RBFOX1: variants seen among roughly 807,000 people sequenced by gnomAD.
RBFOX1 encodes RNA binding protein fox-1 homolog 1.
RBFOX1 carries 8 observed loss-of-function variants against 57.7 expected under a neutral mutation model. The ratio of observed to expected loss-of-function variants is 0.14; its 90% CI spans 0.08 to 0.25. The LOEUF (loss-of-function observed/expected upper bound fraction) is 0.25. Ranked by LOEUF, RBFOX1 falls within the 10% of genes least tolerant of loss-of-function variation. The pLI is 1.00. For synonymous variants in RBFOX1, 326 were observed against 222.4 expected, an observed-to-expected ratio of 1.47 and a Z score of -4.15; for missense variants, 611 against 548.5, an observed-to-expected ratio of 1.11 and a Z score of -1.14.
chr16:5,296,089 C>T (rs1343494651), intron 1 of RBFOX1, among the ~76,000 whole-genome samples: 2 of 152,120 alleles, frequency 1.3e-5, no homozygotes, highest in Admixed American at 1.3e-4. Context: ...TCCCCCTGAG[C>T]TTCTCCTGTG....
At chr16:7,179,909 A>ATT (rs113449495) in intron 4 of RBFOX1, among the ~76,000 whole-genome samples, 1 of 142,144 alleles carries the variant, frequency 7.0e-6, no homozygotes, top group African/African-American at 2.6e-5. Flanking sequence ...TAATTTTTGT[A>ATT]TTTTTTTTTT....
intron 4 of RBFOX1, among the ~76,000 whole-genome samples, chr16:7,497,741 G>C (rs957394413): frequency 6.6e-6 from 1 of 152,196 alleles, no homozygotes; most frequent in African/African-American, 2.4e-5. Context: ...AAAAGAACTA[G>C]TTTCTTTCTG....
chr16:7,594,022 C>T (rs1181712163), intron 7 of RBFOX1, among the ~76,000 whole-genome samples: 1 of 152,148 alleles, frequency 6.6e-6, no homozygotes, highest in South Asian at 2.1e-4. Context: ...CAGGTGCACA[C>T]TGTGCAGGTT....
chr16:6,879,719 G>T (rs1292945340), intron 3 of RBFOX1, among the ~76,000 whole-genome samples: 2 of 152,168 alleles, frequency 1.3e-5, no homozygotes, highest in East Asian at 3.9e-4. Flanking sequence ...TTCTGTGGAA[G>T]TAAATTCTAC....
chr16:7,220,421 A>G (rs1274084898), intron 4 of RBFOX1, among the ~76,000 whole-genome samples: 1 of 152,200 alleles, frequency 6.6e-6, no homozygotes, highest in African/African-American at 2.4e-5. Context: ...TTACAATGCT[A>G]GAGAGAAAAG....
At chr16:6,617,081 G>A (rs979696966) in intron 2 of RBFOX1, among the ~76,000 whole-genome samples, 12 of 151,846 alleles carry the variant, frequency 7.9e-5, no homozygotes, top group Non-Finnish European at 1.6e-4. Context: ...ACTTAAGAAC[G>A]TAGAGGTGCT....
intron 4 of RBFOX1, among the ~76,000 whole-genome samples, chr16:7,148,194 G>A (rs2075405233): frequency 6.6e-6 from 1 of 152,098 alleles, no homozygotes; most frequent in South Asian, 2.1e-4. Context: ...TACTGCCTGG[G>A]GTCTGTTAGA....
chr16:5,588,670 G>A lies in RBFOX1; in HGVS notation c.259-10232G>A, dbSNP rs2046909854. ...AGCACTTTGCAGACTTAGAGGGCTG[G>A]GAGGGCATTGAATTGGGAGAGGCAT... On this transcript the variant is annotated intron_variant, in intron 2 of 2. Coordinates refer to the RBFOX1 transcript ENST00000585867. Among the ~76,000 whole-genome samples the A allele has an allele frequency of 2.6e-5, 4 of 152,116 alleles. No individual in the cohort carries two copies. The South Asian group carries it at 6.2e-4, about 24-fold the overall frequency.
chr16:6,993,123 C>T (rs903175087), intron 3 of RBFOX1, among the ~76,000 whole-genome samples: 2 of 152,108 alleles, frequency 1.3e-5, no homozygotes, highest in African/African-American at 4.8e-5. Context: ...TGTGTAGGAT[C>T]CATAGATGGA....
intron 3 of RBFOX1, among the ~76,000 whole-genome samples, chr16:6,819,717 A>AT (rs1422282584): frequency 6.9e-6 from 1 of 144,740 alleles, no homozygotes; most frequent in Non-Finnish European, 1.5e-5. Context: ...AAAAAAAAAA[A>AT]AAAAAAAAAA....
intron 4 of RBFOX1, among the ~76,000 whole-genome samples, chr16:7,267,746 C>G (rs534116323): frequency 6.6e-6 from 1 of 152,074 alleles, no homozygotes; most frequent in East Asian, 1.9e-4. Flanking sequence ...GTCCCAGCTA[C>G]TTGGGAGGCT....
intron 4 of RBFOX1, among the ~76,000 whole-genome samples, chr16:7,378,002 A>G (rs543017969): frequency 1.2e-4 from 18 of 152,310 alleles, no homozygotes; most frequent in African/African-American, 4.8e-5. Flanking sequence ...CAGAATGTGC[A>G]AAGTCTCTAA....
intron 3 of RBFOX1, among the ~76,000 whole-genome samples, chr16:5,729,116 A>G (rs559946970): frequency 1.2e-4 from 18 of 152,368 alleles, no homozygotes; most frequent in Middle Eastern, 3.4e-3. Context: ...GAACCGGAAC[A>G]GTTGAACATA....
chr16:6,904,166 G>T (rs2069177846), intron 3 of RBFOX1, among the ~76,000 whole-genome samples: 1 of 152,186 alleles, frequency 6.6e-6, no homozygotes, highest in African/African-American at 2.4e-5. Context: ...TGAAAGCTCT[G>T]TGTCTGTGTG....
chr16:7,367,600 TC>T (rs1233734279), intron 4 of RBFOX1, among the ~76,000 whole-genome samples: 1 of 152,150 alleles, frequency 6.6e-6, no homozygotes, highest in Admixed American at 6.5e-5. Flanking sequence ...AGTCTCTAAC[TC>T]CAGACTCTGA....
At chr16:6,116,179 G>A (rs540016177) in intron 1 of RBFOX1, among the ~76,000 whole-genome samples, 56 of 151,256 alleles carry the variant, frequency 3.7e-4, no homozygotes, top group Non-Finnish European at 5.0e-4. Context: ...ACAGAAAACC[G>A]AACACCGTAT....
intron 2 of RBFOX1, among the ~76,000 whole-genome samples, chr16:6,485,773 T>C (rs999440739): frequency 6.6e-6 from 1 of 152,196 alleles, no homozygotes; most frequent in Non-Finnish European, 1.5e-5. Context: ...ATGACTTTAT[T>C]GGACTAAGCT....
At chr16:6,522,990 T>C (rs540013995) in intron 2 of RBFOX1, among the ~76,000 whole-genome samples, 3 of 152,328 alleles carry the variant, frequency 2.0e-5, no homozygotes, top group South Asian at 2.1e-4. Flanking sequence ...TCTTATCTTT[T>C]AGGCATCAAA....
intron 1 of RBFOX1, among the ~76,000 whole-genome samples, chr16:6,036,796 C>A (rs1018424110): frequency 6.6e-6 from 1 of 152,172 alleles, no homozygotes; most frequent in Non-Finnish European, 1.5e-5. Context: ...AAAGAATAAA[C>A]ATTTTTATCT....
Sources: gnomAD v4.1 joint callset for allele counts (sites outside exome capture counted in the v4.1 genomes callset) on GRCh38, gnomAD v4.1.1 for gene constraint, MANE v1.5 for transcripts, NCBI Gene and HGNC (gene_info 2026-07-23, HGNC 2026-07-21) for gene names.